Variants in P2RX7 observed in about 807,000 individuals in gnomAD.
P2RX7 encodes P2X purinoceptor 7.
A neutral mutation model predicts 71.6 loss-of-function variants in P2RX7; 62 were observed. The observed-to-expected ratio is 0.87, with a 90% CI of 0.71 to 1.07. P2RX7 has a LOEUF of 1.07. P2RX7 is among the 50% of genes least tolerant of loss of function. The probability of loss-of-function intolerance (pLI) is 0.00; values close to 1 mark genes in which losing one functional copy is unlikely to be tolerated. For synonymous variants in P2RX7, 299 were observed against 283.3 expected (o/e 1.06, Z -0.56); for missense variants, 686 against 748.5 (o/e 0.92, Z 0.97).
chr12:121,182,943 C>T (rs924058210), intron 12 of P2RX7, among the ~76,000 whole-genome samples: 4 of 151,888 alleles, frequency 2.6e-5, no homozygotes, highest in Non-Finnish European at 4.4e-5. Flanking sequence ...TTTGGGAGGC[C>T]GAGGCAGGCG....
chr12:121,183,702 T>C (rs750431373), intron 12 of P2RX7, among the ~76,000 whole-genome samples: 1 of 151,922 alleles, frequency 6.6e-6, no homozygotes, highest in Non-Finnish European at 1.5e-5. Flanking sequence ...AGCTGCTAGA[T>C]AGGGTGGTCA....
chr12:121,159,371 C>T (rs1387561405), intron 3 of P2RX7, among the ~76,000 whole-genome samples: 1 of 139,112 alleles, frequency 7.2e-6, no homozygotes, highest in East Asian at 2.2e-4. Context: ...GAGCCAAGAT[C>T]ACACCATTGC....
At chr12:121,144,750 C>T (rs1344136939) in intron 1 of P2RX7, among the ~76,000 whole-genome samples, 1 of 151,950 alleles carries the variant, frequency 6.6e-6, no homozygotes, top group South Asian at 2.1e-4. Flanking sequence ...GTGATAGAGG[C>T]AGAGGAGAGA....
In P2RX7 at chr12:121,187,074, T is replaced by A. The variant is rs1884959524; in HGVS notation, c.*2272T>A. 6.6e-6 allele frequency: 1 copy of A among 152,232 alleles called. No homozygotes were observed. The highest frequency in any genetic ancestry group is 2.4e-5 in the African/African-American group (1 of 41,458). 9.4% of individuals were successfully genotyped at this position (152,232 alleles called of 1,614,324 possible). ...ATATGAAAATGCACAGTGACAGGTT[T>A]TAGGATCCTGCTTCAGGATTTCCTT... On this transcript the variant is annotated 3_prime_UTR_variant, in exon 13 of 13. Coordinates refer to ENST00000328963, the MANE Select transcript of P2RX7 (RefSeq NM_002562.6).
chr12:121,159,797 C>T (rs934051502), intron 3 of P2RX7, among the ~76,000 whole-genome samples: 1 of 152,192 alleles, frequency 6.6e-6, no homozygotes, highest in African/African-American at 2.4e-5. Context: ...TGGCCAATGT[C>T]TCTCAGTTCC....
chr12:121,154,876 G>A lies in P2RX7; in HGVS notation c.217G>A (p.Glu73Lys). 2.5e-6 allele frequency: 4 copies of A among 1,614,210 alleles called. No individual in the cohort carries two copies. The highest frequency in any genetic ancestry group is 3.4e-6 in the Non-Finnish European group (4 of 1,180,028). The change falls in exon 2 of 13, where the codon GAG (glutamate) becomes AAG (lysine). Residue 73 changes from glutamate (E) to lysine (K), a missense_variant. Transcript: ENST00000328963. The surrounding 1 kb of genome is among the most constrained non-coding windows in gnomAD (Gnocchi z 4.2). ...GGTGAAGGGGATAGCAGAGGTGAAA[G>A]AGGAGATCGTGGAGAATGGAGTGAA... The part of the protein sequence containing the change: ...TKVKGIAEVK[E>K]EIVENGVKKL...
Position 121,162,638 on chromosome 12 carries a change from G to C in P2RX7, c.533+118G>C, listed in dbSNP as rs909399831. ...CCCTGCAAAGTCCTGGGTCCTACCG[G>C]CTTGGGGACCCCTGCGCTCTGGATG... On this transcript the variant is annotated intron_variant, in intron 5 of 12. Coordinates refer to ENST00000328963, the MANE Select transcript of P2RX7 (RefSeq NM_002562.6). 2.4e-6 allele frequency: 3 copies of C among 1,226,800 alleles called. No homozygotes were observed. In the East Asian group the frequency reaches 7.4e-5, roughly 30 times the overall value. The allele number at this position is 1,226,800 out of a possible 1,614,324, so 76.0% of individuals were successfully genotyped here.
Position 121,166,191 on chromosome 12 carries a change from G to T in P2RX7, c.744+4G>T. The T allele has an allele frequency of 1.2e-6, 2 of 1,612,236 alleles. No individual in the cohort carries two copies. Among genetic ancestry groups the T allele is most frequent in the South Asian group, 1.1e-5 (1 of 90,892 alleles). On this transcript the variant is annotated splice_donor_region_variant and intron_variant, in intron 7 of 12. Coordinates refer to ENST00000328963, the MANE Select transcript of P2RX7 (RefSeq NM_002562.6). ...TTTTTCAGATGTGGCAATTCAGGTTGGTGGTGCTTTGTACACTGGGATGTG... is the reference window on the plus strand; with the variant it reads ...TTTTTCAGATGTGGCAATTCAGGTTTGTGGTGCTTTGTACACTGGGATGTG...
chr12:121,175,118 T>C (rs368955100), intron 8 of P2RX7, among the ~76,000 whole-genome samples: 9 of 151,980 alleles, frequency 5.9e-5, no homozygotes, highest in African/African-American at 2.2e-4. Flanking sequence ...GAGACCAGCC[T>C]GGGCAACATG....
At chr12:121,155,032 C>T in intron 2 of P2RX7, 79 bp downstream of exon 2, 5 of 1,573,566 alleles carry the variant, frequency 3.2e-6, no homozygotes, top group East Asian at 2.2e-5. Flanking sequence ...CTAGGATCTA[C>T]AGCCTCACTC....
chr12:121,140,511 G>C (rs931812983), intron 1 of P2RX7, among the ~76,000 whole-genome samples: 5 of 152,218 alleles, frequency 3.3e-5, no homozygotes, highest in African/African-American at 1.2e-4. Flanking sequence ...GCTTGGGCTA[G>C]AATGGGCTGG....
At chr12:121,148,797 C>T (rs1367211271) in intron 1 of P2RX7, among the ~76,000 whole-genome samples, 9 of 152,162 alleles carry the variant, frequency 5.9e-5, no homozygotes, top group African/African-American at 2.2e-4. Flanking sequence ...TGGACCTGAT[C>T]GGATTCTCCT....
At chr12:121,146,293 T>C (rs1164237036) in intron 1 of P2RX7, among the ~76,000 whole-genome samples, 1 of 115,632 alleles carries the variant, frequency 8.6e-6, no homozygotes. Flanking sequence ...CTCTCTTTTT[T>C]TTTTTTTTTT....
chr12:121,182,062 A>T (rs915697159), intron 12 of P2RX7, among the ~76,000 whole-genome samples: 1 of 62,148 alleles, frequency 1.6e-5, no homozygotes, highest in Non-Finnish European at 3.4e-5. Context: ...AGCTCCATCT[A>T]AAAAAAAAAA....
chr12:121,160,451 C>G (rs1334977592), intron 3 of P2RX7, among the ~76,000 whole-genome samples: 2 of 152,024 alleles, frequency 1.3e-5, no homozygotes, highest in Admixed American at 1.3e-4. Context: ...CGCCCAGCCC[C>G]CAGAACATTT....
At chr12:121,133,124 C>G in intron 1 of P2RX7, 29 bp downstream of exon 1, 2 of 1,613,518 alleles carry the variant, frequency 1.2e-6, no homozygotes, top group East Asian at 4.5e-5. Context: ...GGACCCAGAT[C>G]TCTGCAGTGG....
intron 8 of P2RX7, among the ~76,000 whole-genome samples, chr12:121,169,329 G>A (rs1278868106): frequency 1.3e-5 from 2 of 152,078 alleles, no homozygotes; most frequent in Non-Finnish European, 2.9e-5. Context: ...TATTGTTCCA[G>A]TGAGTCCCAT....
chr12:121,166,234 A>G (rs201279244), intron 7 of P2RX7, 47 bp downstream of exon 7: 34 of 1,589,532 alleles, frequency 2.1e-5, no homozygotes, highest in Non-Finnish European at 2.8e-5. Context: ...GTGTCTAGGG[A>G]TGGAGGATGT....
chr12:121,181,464 GA>G (rs1158653123), intron 12 of P2RX7, among the ~76,000 whole-genome samples: 1 of 152,194 alleles, frequency 6.6e-6, no homozygotes, highest in African/African-American at 2.4e-5. Context: ...AAACGGTGCT[GA>G]AAAATGGTTG....
Sources: gnomAD v4.1 joint callset for allele counts (sites outside exome capture counted in the v4.1 genomes callset) on GRCh38, gnomAD v4.1.1 for gene constraint, Gnocchi (gnomAD v3.1) non-coding constraint, MANE v1.5 for transcripts, NCBI Gene and HGNC (gene_info 2026-07-23, HGNC 2026-07-21) for gene names.